Variants in OXCT1 observed in about 807,000 individuals in gnomAD.
OXCT1 encodes succinyl-CoA:3-ketoacid coenzyme A transferase 1, mitochondrial.
A neutral mutation model predicts 69.6 loss-of-function variants in OXCT1; 27 were observed. That is an observed-to-expected ratio of 0.39 (90% CI 0.29 to 0.54). The LOEUF (loss-of-function observed/expected upper bound fraction) is 0.54. Ranked by LOEUF, OXCT1 falls within the 20% of genes least tolerant of loss-of-function variation. The probability of loss-of-function intolerance (pLI) is 0.72; values close to 1 mark genes in which losing one functional copy is unlikely to be tolerated. For missense variants in OXCT1, 437 were observed against 650.2 expected (o/e 0.67, Z 3.57); for synonymous variants, 202 against 217.8 (o/e 0.93, Z 0.64).
chr5:41,755,345 G>A (rs186985627), intron 14 of OXCT1, among the ~76,000 whole-genome samples: 2 of 151,898 alleles, frequency 1.3e-5, no homozygotes, highest in African/African-American at 4.8e-5. Flanking sequence ...AACCATGTAA[G>A]GATTTATAGT....
chr5:41,752,957 T>G (rs541623397), intron 14 of OXCT1, among the ~76,000 whole-genome samples: 17 of 152,192 alleles, frequency 1.1e-4, no homozygotes, highest in Admixed American at 5.2e-4. Flanking sequence ...CTAAACACTC[T>G]AGTACTTTCT....
chr5:41,867,983 C>T (rs1236445901), intron 1 of OXCT1, among the ~76,000 whole-genome samples: 2 of 152,142 alleles, frequency 1.3e-5, no homozygotes, highest in Non-Finnish European at 2.9e-5. Context: ...GTCCCCAGAC[C>T]AGCAGCATCA....
intron 11 of OXCT1, among the ~76,000 whole-genome samples, chr5:41,796,180 A>T (rs764140681): frequency 6.6e-6 from 1 of 152,130 alleles, no homozygotes; most frequent in Non-Finnish European, 1.5e-5. Flanking sequence ...AAAGATTTTC[A>T]AGGTCATCTA....
chr5:41,752,359 G>A (rs1743828210), intron 14 of OXCT1, among the ~76,000 whole-genome samples: 1 of 152,044 alleles, frequency 6.6e-6, no homozygotes, highest in South Asian at 2.1e-4. Flanking sequence ...CAAATATACA[G>A]GGTTACGCGG....
intron 13 of OXCT1, among the ~76,000 whole-genome samples, chr5:41,793,395 G>T (rs1415149295): frequency 1.3e-5 from 2 of 152,234 alleles, no homozygotes; most frequent in Non-Finnish European, 2.9e-5. Context: ...CATGAATTAA[G>T]TCAGTGATAA....
At position 41,731,064 on chromosome 5, in the gene OXCT1, G is replaced by T. The variant is rs1183757696; in HGVS notation, c.*665C>A. 1.3e-5 allele frequency: 2 copies of T among 152,394 alleles called. No individual in the cohort carries two copies. The highest frequency in any genetic ancestry group is 4.8e-5 in the African/African-American group (2 of 41,444). 9.4% of individuals were successfully genotyped at this position (152,394 alleles called of 1,614,324 possible). On this transcript the variant is annotated 3_prime_UTR_variant, in exon 17 of 17. Transcript: ENST00000196371. ...TGGGCTGTTTTAAAATGAGAAAACTGAGAAGAATCAGTTAGGTTTCTAGCC... is the reference window on the plus strand; with the variant it reads ...TGGGCTGTTTTAAAATGAGAAAACTTAGAAGAATCAGTTAGGTTTCTAGCC...
At chr5:41,861,233 T>C (rs1395529866) in intron 3 of OXCT1, 81 bp downstream of exon 3, 3 of 962,888 alleles carry the variant, frequency 3.1e-6, no homozygotes, top group Non-Finnish European at 5.1e-6. Flanking sequence ...AGGAGAAAAC[T>C]TCATTTCATT....
intron 6 of OXCT1, among the ~76,000 whole-genome samples, chr5:41,841,155 A>G (rs997604291): frequency 1.3e-5 from 2 of 152,190 alleles, no homozygotes; most frequent in Non-Finnish European, 2.9e-5. Flanking sequence ...ATGTTCCTCA[A>G]TACAGTTCCC....
At chr5:41,779,972 CA>C (rs1216797495) in intron 13 of OXCT1, among the ~76,000 whole-genome samples, 2 of 151,886 alleles carry the variant, frequency 1.3e-5, no homozygotes, top group Non-Finnish European at 2.9e-5. Context: ...ATAAGGACTG[CA>C]AATAAAGTAA....
intron 5 of OXCT1, 108 bp from the exon 6 acceptor site, chr5:41,842,889 T>C: frequency 1.2e-6 from 1 of 816,504 alleles, no homozygotes; most frequent in Non-Finnish European, 2.2e-6. Flanking sequence ...TGAGGGAAAA[T>C]TTCTCAGAGG....
At chr5:41,862,986 C>T (rs1204727013) in intron 1 of OXCT1, among the ~76,000 whole-genome samples, 1 of 152,086 alleles carries the variant, frequency 6.6e-6, no homozygotes, top group Non-Finnish European at 1.5e-5. Flanking sequence ...CCCTTATCCA[C>T]AGTTTCCCTT....
intron 7 of OXCT1, among the ~76,000 whole-genome samples, chr5:41,810,725 G>C (rs1316270998): frequency 6.6e-6 from 1 of 152,076 alleles, no homozygotes; most frequent in African/African-American, 2.4e-5. Context: ...GTTTGTGATT[G>C]CTTGGCAAAC....
At chr5:41,801,179 G>C (rs1378607290) in intron 10 of OXCT1, 109 bp from the exon 11 acceptor site, 1 of 867,092 alleles carries the variant, frequency 1.2e-6, no homozygotes, top group East Asian at 2.6e-5. Context: ...TTTATCATCC[G>C]AAGACTTGAG....
At chr5:41,815,922 T>C (rs1399096794) in intron 7 of OXCT1, among the ~76,000 whole-genome samples, 1 of 152,158 alleles carries the variant, frequency 6.6e-6, no homozygotes, top group Non-Finnish European at 1.5e-5. Flanking sequence ...TATTTCCAAA[T>C]GTTACTCTAA....
At chr5:41,803,869 C>T (rs973727460) in intron 9 of OXCT1, among the ~76,000 whole-genome samples, 4 of 152,056 alleles carry the variant, frequency 2.6e-5, no homozygotes, top group African/African-American at 9.7e-5. Flanking sequence ...GGTGTGGGTT[C>T]AATCCTGCCT....
At chr5:41,834,151 A>T (rs1287836368) in intron 7 of OXCT1, among the ~76,000 whole-genome samples, 4 of 152,130 alleles carry the variant, frequency 2.6e-5, no homozygotes, top group African/African-American at 9.7e-5. Flanking sequence ...TACAAAAAAA[A>T]CTACAGATTC....
chr5:41,859,411 G>A (rs946612110), intron 3 of OXCT1, among the ~76,000 whole-genome samples: 1 of 152,128 alleles, frequency 6.6e-6, no homozygotes, highest in Non-Finnish European at 1.5e-5. Flanking sequence ...TAGCCACAGA[G>A]CATAATAAGA....
At chr5:41,855,120 T>A (rs140726634) in intron 3 of OXCT1, among the ~76,000 whole-genome samples, 4 of 152,194 alleles carry the variant, frequency 2.6e-5, no homozygotes, top group Admixed American at 6.5e-5. Flanking sequence ...TCAGTAACAA[T>A]GGTTGAATCT....
chr5:41,755,201 G>A (rs1579665387), intron 14 of OXCT1, among the ~76,000 whole-genome samples: 2 of 151,964 alleles, frequency 1.3e-5, no homozygotes, highest in African/African-American at 4.8e-5. Flanking sequence ...AGAATTTAAA[G>A]TGATAAGGTT....
Sources: gnomAD v4.1 joint callset for allele counts (sites outside exome capture counted in the v4.1 genomes callset) on GRCh38, gnomAD v4.1.1 for gene constraint, MANE v1.5 for transcripts, NCBI Gene and HGNC (gene_info 2026-07-23, HGNC 2026-07-21) for gene names.